CDH4: variants seen among roughly 807,000 people sequenced by gnomAD.
CDH4 encodes the protein cadherin-4.
A neutral mutation model predicts 86.0 loss-of-function variants in CDH4; 33 were observed. The ratio of observed to expected loss-of-function variants is 0.38; its 90% CI spans 0.29 to 0.51. CDH4 has a LOEUF of 0.51. Ranked by LOEUF, CDH4 falls within the 20% of genes least tolerant of loss-of-function variation. CDH4 has a pLI of 0.86. For missense variants in CDH4, 1,114 were observed against 1,307.4 expected (o/e 0.85, Z 2.28); for synonymous variants, 555 against 549.4 (o/e 1.01, Z -0.14).
At chr20:61,673,277 G>C (rs956832917) in intron 2 of CDH4, among the ~76,000 whole-genome samples, 1 of 152,138 alleles carries the variant, frequency 6.6e-6, no homozygotes, top group Non-Finnish European at 1.5e-5. Context: ...TCAGGACTTC[G>C]GAGCCCCTGA....
intron 2 of CDH4, among the ~76,000 whole-genome samples, chr20:61,648,714 T>C (rs2087091222): frequency 6.6e-6 from 1 of 152,188 alleles, no homozygotes; most frequent in South Asian, 2.1e-4. Flanking sequence ...CCAGGGTTCA[T>C]GTTGAGCCAA....
At chr20:61,604,045 G>A (rs2086623721) in intron 2 of CDH4, among the ~76,000 whole-genome samples, 1 of 152,132 alleles carries the variant, frequency 6.6e-6, no homozygotes. Context: ...CAATCCCCGT[G>A]GCCAGCTCCC....
chr20:61,305,785 C>T (rs2084413828), intron 2 of CDH4, among the ~76,000 whole-genome samples: 1 of 152,178 alleles, frequency 6.6e-6, no homozygotes, highest in Non-Finnish European at 1.5e-5. Flanking sequence ...GCTGCCACAT[C>T]ACAAATGGAT....
At chr20:61,293,828 C>G (rs994885933) in intron 2 of CDH4, among the ~76,000 whole-genome samples, 1 of 152,180 alleles carries the variant, frequency 6.6e-6, no homozygotes, top group African/African-American at 2.4e-5. Context: ...CTGCTTCTTC[C>G]TGGCCCCTCA....
rs2145959845 is a variant in CDH4, at chr20:61,754,960, C to T, written c.396+11171C>T. 1 of 152,502 alleles carries T rather than the reference C, an allele frequency of 6.6e-6. No individual in the cohort carries two copies. Among genetic ancestry groups the T allele is most frequent in the South Asian group, 2.1e-4 (1 of 4,820 alleles). The allele number at this position is 152,502 out of a possible 1,614,324, so 9.4% of individuals were successfully genotyped here. On this transcript the variant is annotated intron_variant, in intron 3 of 15. Transcript: ENST00000614565. The surrounding 1 kb of genome is among the most constrained non-coding windows in gnomAD (Gnocchi z 4.7). ...ACTACTGATAAAGACATACTCGAGA[C>T]TGGGAAGAAAAAGAGGTTTAGTTGG... is the stretch of plus-strand genomic sequence containing the variant.
chr20:61,498,939 T>C (rs1568866060), intron 2 of CDH4, among the ~76,000 whole-genome samples: 1 of 152,172 alleles, frequency 6.6e-6, no homozygotes, highest in Non-Finnish European at 1.5e-5. Flanking sequence ...CAGCCCCAGC[T>C]TCTCTCCTCG....
intron 4 of CDH4, among the ~76,000 whole-genome samples, chr20:61,817,409 C>G (rs1980774165): frequency 6.6e-6 from 1 of 152,198 alleles, no homozygotes; most frequent in Non-Finnish European, 1.5e-5. Flanking sequence ...CCCAGTTGGT[C>G]CGGGAAGGCT....
chr20:61,835,656 G>A (rs1297733432), intron 4 of CDH4, among the ~76,000 whole-genome samples: 3 of 152,212 alleles, frequency 2.0e-5, no homozygotes, highest in Admixed American at 6.5e-5. Flanking sequence ...AAATGACCCA[G>A]GCTGAGACAT....
chr20:61,378,391 C>T (rs1332799403), intron 2 of CDH4, among the ~76,000 whole-genome samples: 1 of 152,194 alleles, frequency 6.6e-6, no homozygotes, highest in Non-Finnish European at 1.5e-5. Context: ...AATGTGTTGT[C>T]TCACAGTTCT....
intron 2 of CDH4, among the ~76,000 whole-genome samples, chr20:61,401,547 A>G (rs1482157584): frequency 2.0e-5 from 3 of 152,166 alleles, no homozygotes; most frequent in Non-Finnish European, 4.4e-5. Flanking sequence ...CATAACCTGA[A>G]GCGCAAGGAC....
chr20:61,653,508 G>A (rs2087148648), intron 2 of CDH4, among the ~76,000 whole-genome samples: 1 of 143,374 alleles, frequency 7.0e-6, no homozygotes, highest in Admixed American at 6.9e-5. Flanking sequence ...TCCCAGTAGG[G>A]GCGGCCGGGC....
At position 61,755,610 on chromosome 20, in the gene CDH4, G is replaced by A. The variant is rs558773163; in HGVS notation, c.396+11821G>A. On this transcript the variant is annotated intron_variant, in intron 3 of 15. Coordinates refer to ENST00000614565, the MANE Select transcript of CDH4 (RefSeq NM_001794.5). Reference sequence around the variant, plus strand: ...ACACACCACATACACAGTGCATGCTGCACACACCCACACACATGCCCCACA... The same window carrying A: ...ACACACCACATACACAGTGCATGCTACACACACCCACACACATGCCCCACA... Among the ~76,000 whole-genome samples, 5 of 130,800 alleles carry A rather than the reference G, an allele frequency of 3.8e-5. No individual in the cohort carries two copies. In the South Asian group the frequency reaches 1.3e-3, roughly 33 times the overall value. The allele number at this position is 130,800 out of a possible 152,430, so 85.8% of individuals were successfully genotyped here. A position where few individuals can be genotyped will look rare whatever the true frequency, so the allele number is the denominator to read the frequency against.
intron 2 of CDH4, among the ~76,000 whole-genome samples, chr20:61,633,426 C>T (rs2086914728): frequency 1.3e-5 from 2 of 152,048 alleles, no homozygotes; most frequent in Admixed American, 1.3e-4. Flanking sequence ...TCCAAACATC[C>T]ATCCTCCCAT....
intron 2 of CDH4, among the ~76,000 whole-genome samples, chr20:61,664,865 A>C (rs1213961373): frequency 6.6e-6 from 1 of 152,224 alleles, no homozygotes; most frequent in Non-Finnish European, 1.5e-5. Flanking sequence ...AATTTAGACC[A>C]ATCTTTTCAA....
intron 2 of CDH4, among the ~76,000 whole-genome samples, chr20:61,258,770 T>A (rs1377369154): frequency 6.6e-6 from 1 of 152,242 alleles, no homozygotes; most frequent in Non-Finnish European, 1.5e-5. Context: ...ATTTAGTGCC[T>A]CGTCACTGCA....
At chr20:61,847,226 C>T (rs141547931) in intron 5 of CDH4, among the ~76,000 whole-genome samples, 152 of 152,350 alleles carry the variant, frequency 1.0e-3, no homozygotes, top group African/African-American at 3.6e-3. Context: ...TACCTCTGCA[C>T]ACAGCACGGC....
At chr20:61,368,416 C>T (rs1268394665) in intron 2 of CDH4, among the ~76,000 whole-genome samples, 1 of 152,206 alleles carries the variant, frequency 6.6e-6, no homozygotes, top group African/African-American at 2.4e-5. Flanking sequence ...AGCAGAAAGG[C>T]ACCGTCTGTG....
intron 2 of CDH4, among the ~76,000 whole-genome samples, chr20:61,341,467 A>G (rs1568805298): frequency 6.6e-6 from 1 of 151,834 alleles, no homozygotes; most frequent in Admixed American, 6.6e-5. Flanking sequence ...AAGTAGCATT[A>G]CCTTTGTTTG....
chr20:61,884,087 TG>T lies in CDH4; in HGVS notation c.1050+10190del, dbSNP rs1984425512. Among the ~76,000 whole-genome samples the T allele has an allele frequency of 2.6e-5, 4 of 152,214 alleles. No individual in the cohort carries two copies. In the East Asian group the frequency reaches 5.8e-4, roughly 22 times the overall value. ...AACTGGGAAATGCTGGTGTTTTCTC[TG>T]GGTTTGATCCAGCTCAGCACAGCAG... On this transcript the variant is annotated intron_variant, in intron 7 of 15. Coordinates refer to ENST00000614565, the MANE Select transcript of CDH4 (RefSeq NM_001794.5).
Sources: gnomAD v4.1 joint callset for allele counts (sites outside exome capture counted in the v4.1 genomes callset) on GRCh38, gnomAD v4.1.1 for gene constraint, Gnocchi (gnomAD v3.1) non-coding constraint, MANE v1.5 for transcripts, NCBI Gene and HGNC (gene_info 2026-07-23, HGNC 2026-07-21) for gene names.